The following BMP7 variants were observed in gnomAD, a reference collection of about 807,000 sequenced individuals.
The protein encoded by BMP7 is osteogenic protein 1.
Under a neutral mutation model 41.2 loss-of-function variants are expected in BMP7, and 12 were observed. The observed-to-expected ratio is 0.29, with a 90% confidence interval of 0.19 to 0.47. BMP7 has a LOEUF of 0.47. Among genes scored for constraint, BMP7 ranks in the 20% least tolerant of loss-of-function variants. BMP7 has a pLI of 0.99. For missense variants in BMP7, 467 were observed against 606.0 expected, an observed-to-expected ratio of 0.77 and a Z score of 2.41; for synonymous variants, 248 against 250.0, an observed-to-expected ratio of 0.99 and a Z score of 0.07.
chr20:57,192,107 T>G (rs975891051), intron 3 of BMP7, among the ~76,000 whole-genome samples: 2 of 125,044 alleles, frequency 1.6e-5, no homozygotes, highest in African/African-American at 6.4e-5. Context: ...TAAATTTATA[T>G]AATATATACA....
chr20:57,263,746 T>C (rs2066162488), intron 1 of BMP7, among the ~76,000 whole-genome samples: 1 of 152,184 alleles, frequency 6.6e-6, no homozygotes, highest in African/African-American at 2.4e-5. Context: ...GCGTTCATTA[T>C]TTATATGTAT....
chr20:57,248,480 G>GCAGT (rs2066098701), intron 1 of BMP7, among the ~76,000 whole-genome samples: 1 of 152,212 alleles, frequency 6.6e-6, no homozygotes, highest in Non-Finnish European at 1.5e-5. Context: ...AGGCAGGCAG[G>GCAGT]CAAGGAGAGC....
intron 3 of BMP7, among the ~76,000 whole-genome samples, chr20:57,190,689 C>T (rs1984335789): frequency 6.6e-6 from 1 of 152,126 alleles, no homozygotes; most frequent in Non-Finnish European, 1.5e-5. Context: ...CTGCCCGCCC[C>T]TCCTCCAGGC....
chr20:57,179,902 G>A (rs962376357), intron 4 of BMP7, among the ~76,000 whole-genome samples: 7 of 152,190 alleles, frequency 4.6e-5, no homozygotes, highest in African/African-American at 1.7e-4. Context: ...CGTCCTGGGG[G>A]CTGTGTAAAT....
chr20:57,194,546 T>G (rs906240701), intron 3 of BMP7, among the ~76,000 whole-genome samples: 1 of 152,190 alleles, frequency 6.6e-6, no homozygotes, highest in African/African-American at 2.4e-5. Flanking sequence ...ACTTCCAGAC[T>G]TGTAGGGAAA....
Position 57,265,880 on chromosome 20 carries a change from C to T in BMP7, c.243G>A (p.Met81Ile), listed in dbSNP as rs1304647580. The part of the protein sequence containing the change: ...HLQGKHNSAP[M>I]FMLDLYNAMA... ...TGGCGTTGTACAGGTCCAGCATGAA[C>T]ATGGGTGCCGAGTTGTGCTTGCCCT... The change falls in exon 1 of 7, where the codon ATG becomes ATA. Residue 81 changes from methionine to isoleucine, a missense_variant. Physicochemically the swap from Met to Ile is conservative, Grantham distance 10. Around this residue, in one of 2 missense-constraint regions of BMP7, gnomAD observed 407 missense variants for 485.9 expected, o/e 0.84. Transcript: ENST00000395863. The T allele has an allele frequency of 6.2e-6, 10 of 1,603,198 alleles. No homozygotes were observed. Among genetic ancestry groups the T allele is most frequent in the Admixed American group, 5.1e-5 (3 of 58,496 alleles).
intron 4 of BMP7, among the ~76,000 whole-genome samples, chr20:57,175,814 G>A (rs1317214648): frequency 8.5e-6 from 1 of 118,320 alleles, no homozygotes; most frequent in East Asian, 2.6e-4. Context: ...ACTCAGAGCA[G>A]GGCCCAGGCT....
In BMP7 at chr20:57,243,343, G is replaced by T. The variant is rs1006227152; in HGVS notation, c.419-14922C>A. On this transcript the variant is annotated intron_variant, in intron 1 of 6. Transcript: ENST00000395863. ...AAAATACAAAAATTAGCTAGGCGTG[G>T]TGGTGCATTCCTGTTCTCCCAGCTA... Among the ~76,000 whole-genome samples, 10 of 152,118 alleles carry T rather than the reference G, an allele frequency of 6.6e-5. No individual in the cohort carries two copies. In the South Asian group the frequency reaches 1.2e-3, roughly 19 times the overall value.
chr20:57,175,205 C>T (rs75877339), intron 4 of BMP7, among the ~76,000 whole-genome samples, 198 bp from the exon 5 acceptor site: 2,110 of 152,358 alleles, frequency 0.014, 25 homozygotes, highest in Middle Eastern at 0.041. Flanking sequence ...AAAGGCCCTA[C>T]TAAGGGAGGT....
chr20:57,218,359 C>A (rs1384743756), intron 2 of BMP7, among the ~76,000 whole-genome samples: 1 of 148,228 alleles, frequency 6.7e-6, no homozygotes, highest in Admixed American at 6.8e-5. Flanking sequence ...GGTTTGAGCA[C>A]CACCTCGGAC....
chr20:57,264,237 C>A (rs1411340911), intron 1 of BMP7, among the ~76,000 whole-genome samples: 3 of 152,210 alleles, frequency 2.0e-5, no homozygotes, highest in Non-Finnish European at 4.4e-5. Flanking sequence ...GAAGGCGGAT[C>A]TGCGCTTCCC....
rs1214784230 is a variant in BMP7, at chr20:57,173,192, A to G, written c.1146+8T>C. On this transcript the variant is annotated splice_region_variant and intron_variant, in intron 6 of 6. Coordinates refer to ENST00000395863, the MANE Select transcript of BMP7 (RefSeq NM_001719.3). ...GGTGACCACACCCCAAGATGGCGTGACACCCACCAGCGTCTGCACGATGGC... is the reference window on the plus strand; with the variant it reads ...GGTGACCACACCCCAAGATGGCGTGGCACCCACCAGCGTCTGCACGATGGC... The G allele has an allele frequency of 6.2e-7, 1 of 1,613,042 alleles. No individual in the cohort carries two copies. Among genetic ancestry groups the G allele is most frequent in the East Asian group, 2.2e-5 (1 of 44,876 alleles).
At chr20:57,236,771 A>G (rs2066049378) in intron 1 of BMP7, among the ~76,000 whole-genome samples, 1 of 151,974 alleles carries the variant, frequency 6.6e-6, no homozygotes, top group Non-Finnish European at 1.5e-5. Context: ...CATAAAAAAA[A>G]AAAAAACACC....
chr20:57,207,335 C>T (rs1470658123), intron 2 of BMP7, among the ~76,000 whole-genome samples: 1 of 152,214 alleles, frequency 6.6e-6, no homozygotes, highest in Non-Finnish European at 1.5e-5. Flanking sequence ...GAGGTGCCAT[C>T]TCAGGCCTTC....
chr20:57,242,311 TGTGACTA>T (rs1208615490), intron 1 of BMP7, among the ~76,000 whole-genome samples: 3 of 152,100 alleles, frequency 2.0e-5, no homozygotes, highest in Admixed American at 1.3e-4. Context: ...CAACCCCAAA[TGTGACTA>T]GTGCTGAGTT....
At chr20:57,258,298 TA>T (rs2066141634) in intron 1 of BMP7, among the ~76,000 whole-genome samples, 1 of 152,220 alleles carries the variant, frequency 6.6e-6, no homozygotes. Context: ...CTCTGGTCTC[TA>T]GAGGCTTCTA....
At chr20:57,222,797 A>C (rs1330273318) in intron 2 of BMP7, among the ~76,000 whole-genome samples, 1 of 144,084 alleles carries the variant, frequency 6.9e-6, no homozygotes, top group Non-Finnish European at 1.5e-5. Flanking sequence ...GAGACGAGGA[A>C]ACAGGCATGT....
chr20:57,184,994 C>T (rs79092918), intron 3 of BMP7, among the ~76,000 whole-genome samples: 2,452 of 152,236 alleles, frequency 0.016, 29 homozygotes, highest in Middle Eastern at 0.071. Flanking sequence ...GACACCAAGG[C>T]GCTCTACAAG....
Position 57,214,948 on chromosome 20 carries a change from A to G in BMP7, c.612-12325T>C, listed in dbSNP as rs1222159957. The G allele has an allele frequency of 1.3e-5, 2 of 152,262 alleles. No individual in the cohort carries two copies. Among genetic ancestry groups the G allele is most frequent in the African/African-American group, 4.8e-5 (2 of 41,454 alleles). The allele number at this position is 152,262 out of a possible 1,614,324, so 9.4% of individuals were successfully genotyped here. Reference sequence around the variant, plus strand: ...TGGTATCCTCTGCATCCTTATGGCCAGTAAGGTTTTCTGGTTTCACTTCCA... The same window carrying G: ...TGGTATCCTCTGCATCCTTATGGCCGGTAAGGTTTTCTGGTTTCACTTCCA... On this transcript the variant is annotated intron_variant, in intron 2 of 6. Coordinates refer to ENST00000395863, the MANE Select transcript of BMP7 (RefSeq NM_001719.3). The surrounding 1 kb of genome is among the most constrained non-coding windows in gnomAD (Gnocchi z 4.0).
Sources: gnomAD v4.1 joint callset for allele counts (sites outside exome capture counted in the v4.1 genomes callset) on GRCh38, gnomAD v4.1.1 for gene constraint, gnomAD v4.1.1 regional missense constraint, Gnocchi (gnomAD v3.1) non-coding constraint, MANE v1.5 for transcripts, NCBI Gene and HGNC (gene_info 2026-07-23, HGNC 2026-07-21) for gene names.